The following GLRA1 variants were observed in gnomAD, a reference collection of about 807,000 sequenced individuals.
GLRA1 encodes the protein glycine receptor alpha 1, also known as glycine receptor subunit alpha-1.
GLRA1 carries 37 observed loss-of-function variants against 48.3 expected under a neutral mutation model. That is an observed-to-expected ratio of 0.77 (90% confidence interval 0.59 to 1.01). The LOEUF is 1.01. Among genes scored for constraint, GLRA1 ranks in the 50% least tolerant of loss-of-function variants. The pLI, the probability that GLRA1 is intolerant of heterozygous loss-of-function variation, is 0.00. For synonymous variants in GLRA1, 196 were observed against 210.7 expected (o/e 0.93, Z 0.60); for missense variants, 427 against 571.0 (o/e 0.75, Z 2.57).
At chr5:151,910,825 T>C (rs1754589959) in intron 1 of GLRA1, among the ~76,000 whole-genome samples, 2 of 152,364 alleles carry the variant, frequency 1.3e-5, no homozygotes, top group Non-Finnish European at 2.9e-5. Flanking sequence ...ATTGGGTTTA[T>C]AGCACTTACT....
chr5:151,858,665 C>T (rs1181968233), intron 4 of GLRA1, among the ~76,000 whole-genome samples: 2 of 152,106 alleles, frequency 1.3e-5, no homozygotes, highest in African/African-American at 4.8e-5. Context: ...TAAGCTCCCT[C>T]CCCTACCCAG....
rs146044449 is a variant in GLRA1 at position 151,841,987 on chromosome 5, T to C, written c.912+9403A>G. ...CAGGAGAATTGCTTGAACCCAGGAG[T>C]TGGAGGTTGCCGTGAGCCGAGATCG... On this transcript the variant is annotated intron_variant, in intron 7 of 8. Transcript: ENST00000274576. 1.5e-4 allele frequency among the ~76,000 whole-genome samples: 23 copies of C among 150,342 alleles called. No individual in the cohort carries two copies. The East Asian group carries it at 4.1e-3, about 27-fold the overall frequency.
chr5:151,882,548 C>A (rs1646955342), intron 3 of GLRA1, among the ~76,000 whole-genome samples: 1 of 152,098 alleles, frequency 6.6e-6, no homozygotes, highest in South Asian at 2.1e-4. Context: ...TAGGTGGAAT[C>A]CAGAGGGAAA....
chr5:151,885,728 A>T (rs1324479576), intron 3 of GLRA1, among the ~76,000 whole-genome samples: 1 of 152,154 alleles, frequency 6.6e-6, no homozygotes, highest in Non-Finnish European at 1.5e-5. Context: ...AGCAGGGTGA[A>T]TCACAGGGAG....
At position 151,924,737 on chromosome 5, in the gene GLRA1, C is replaced by A; in HGVS notation, c.-188G>T. 1 of 658,014 alleles carries A rather than the reference C, an allele frequency of 1.5e-6. No homozygotes were observed. Among genetic ancestry groups the A allele is most frequent in the Non-Finnish European group, 2.8e-6 (1 of 362,072 alleles). 40.8% of individuals were successfully genotyped at this position (658,014 alleles called of 1,614,324 possible). On this transcript the variant is annotated 5_prime_UTR_variant, in exon 1 of 9. Transcript: ENST00000274576. Reference sequence around the variant, plus strand: ...AGGGGGTCGTAGATACCACGGACAGCGGCGGCTGCGAGGCGTTTCAGCACC... The same window carrying A: ...AGGGGGTCGTAGATACCACGGACAGAGGCGGCTGCGAGGCGTTTCAGCACC...
intron 2 of GLRA1, among the ~76,000 whole-genome samples, chr5:151,890,311 T>C (rs971051957): frequency 6.6e-6 from 1 of 152,184 alleles, no homozygotes; most frequent in Non-Finnish European, 1.5e-5. Flanking sequence ...GCACAAAGAA[T>C]AACTAACACA....
chr5:151,869,263 C>T (rs112939163), intron 3 of GLRA1, among the ~76,000 whole-genome samples: 1 of 151,862 alleles, frequency 6.6e-6, no homozygotes, highest in Non-Finnish European at 1.5e-5. Context: ...ACCACCATGC[C>T]TGGCTAATTT....
chr5:151,886,680 T>C (rs771995003), intron 3 of GLRA1, 41 bp downstream of exon 3: 2 of 1,360,608 alleles, frequency 1.5e-6, no homozygotes, highest in South Asian at 2.3e-5. Context: ...TGGAGAGATA[T>C]CTCCAGCAGG....
rs2113276577 is a variant in GLRA1 at position 151,822,784 on chromosome 5, C to T, written c.1239G>A (p.Lys413=). The T allele has an allele frequency of 6.2e-7, 1 of 1,614,066 alleles. No individual in the cohort carries two copies. Among genetic ancestry groups the T allele is most frequent in the Non-Finnish European group, 8.5e-7 (1 of 1,179,960 alleles). ...CAATGCGGGATATTTTGTCGATCTT[C>T]TTGGCCCTCTGGATGAAGAGTTTTC... The part of the protein sequence containing the change: ...EMRKLFIQRA[K]KIDKISRIGF... Residue 413 remains lysine, a synonymous_variant, in exon 9 of 9, where the codon AAG becomes AAA. Transcript: ENST00000274576.
chr5:151,882,546 A>T (rs111843546), intron 3 of GLRA1, among the ~76,000 whole-genome samples: 3,339 of 152,296 alleles, frequency 0.022, 115 homozygotes, highest in African/African-American at 0.077. Context: ...GGTAGGTGGA[A>T]TCCAGAGGGA....
intron 3 of GLRA1, among the ~76,000 whole-genome samples, chr5:151,861,680 A>C (rs549074014): frequency 8.5e-5 from 13 of 152,302 alleles, no homozygotes; most frequent in Non-Finnish European, 1.9e-4. Flanking sequence ...CCCATTCACA[A>C]TTGCTTCAAA....
intron 3 of GLRA1, among the ~76,000 whole-genome samples, chr5:151,864,245 T>C (rs1753276892): frequency 6.6e-6 from 1 of 152,206 alleles, no homozygotes; most frequent in Non-Finnish European, 1.5e-5. Context: ...AAGCCCCAGC[T>C]GCACTTTTGA....
intron 7 of GLRA1, among the ~76,000 whole-genome samples, chr5:151,843,585 G>C (rs1284717517): frequency 4.6e-5 from 7 of 151,956 alleles, no homozygotes; most frequent in Non-Finnish European, 8.8e-5. Flanking sequence ...TTATATTTGT[G>C]TTCAAATGAA....
At chr5:151,921,615 C>G (rs957226746) in intron 1 of GLRA1, among the ~76,000 whole-genome samples, 2 of 152,184 alleles carry the variant, frequency 1.3e-5, no homozygotes, top group African/African-American at 4.8e-5. Context: ...GGGCCTGACC[C>G]AGCCATAAGC....
chr5:151,886,694 TA>T, intron 3 of GLRA1, 26 bp downstream of exon 3: 1 of 1,506,118 alleles, frequency 6.6e-7, no homozygotes, highest in Non-Finnish European at 9.2e-7. Flanking sequence ...CAGCAGGAAC[TA>T]ACAGCTTGTG....
chr5:151,876,322 T>C (rs1753628180), intron 3 of GLRA1, among the ~76,000 whole-genome samples: 1 of 152,144 alleles, frequency 6.6e-6, no homozygotes, highest in South Asian at 2.1e-4. Flanking sequence ...CTTGAAACTG[T>C]TCTCTCCTGG....
intron 7 of GLRA1, among the ~76,000 whole-genome samples, chr5:151,831,727 A>G (rs766133840): frequency 1.3e-5 from 2 of 152,232 alleles, no homozygotes; most frequent in African/African-American, 2.4e-5. Context: ...GAGCAGCTTC[A>G]GCAGACTTAA....
At chr5:151,906,217 G>A (rs1754470350) in intron 1 of GLRA1, among the ~76,000 whole-genome samples, 2 of 152,188 alleles carry the variant, frequency 1.3e-5, no homozygotes, top group Non-Finnish European at 2.9e-5. Context: ...GAGAACTGCA[G>A]TGCCAGGCAC....
At chr5:151,899,143 G>A (rs932189013) in intron 1 of GLRA1, among the ~76,000 whole-genome samples, 6 of 152,090 alleles carry the variant, frequency 3.9e-5, no homozygotes, top group Admixed American at 2.0e-4. Flanking sequence ...TTAAAAATTC[G>A]ATTTGACTGG....
Sources: gnomAD v4.1 joint callset for allele counts (sites outside exome capture counted in the v4.1 genomes callset) on GRCh38, gnomAD v4.1.1 for gene constraint, MANE v1.5 for transcripts, NCBI Gene and HGNC (gene_info 2026-07-23, HGNC 2026-07-21) for gene names.